Variants in LIPF observed in about 807,000 individuals in gnomAD.
LIPF encodes the protein gastric triacylglycerol lipase.
LIPF carries 25 observed loss-of-function variants against 38.0 expected under a neutral mutation model. The ratio of observed to expected loss-of-function variants is 0.66; its 90% CI spans 0.48 to 0.92. The LOEUF is 0.92. Ranked by LOEUF, LIPF falls within the 40% of genes least tolerant of loss-of-function variation. LIPF has a pLI of 0.00. For missense variants in LIPF, 410 were observed against 469.9 expected, an observed-to-expected ratio of 0.87 and a Z score of 1.18; for synonymous variants, 161 against 156.2, an observed-to-expected ratio of 1.03 and a Z score of -0.23.
At chr10:88,664,767 A>G (rs1316008955) in intron 1 of LIPF, among the ~76,000 whole-genome samples, 1 of 152,130 alleles carries the variant, frequency 6.6e-6, no homozygotes, top group Admixed American at 6.5e-5. Flanking sequence ...TTGAATTACA[A>G]ATTTGTTTAT....
intron 3 of LIPF, 29 bp from the exon 4 acceptor site, chr10:88,668,529 A>T: frequency 1.2e-6 from 2 of 1,600,672 alleles, no homozygotes; most frequent in Non-Finnish European, 1.7e-6. Context: ...GAATACATTT[A>T]TAAAGTTTAT....
chr10:88,678,038 A>G (rs1269488095), intron 9 of LIPF, among the ~76,000 whole-genome samples: 22 of 152,232 alleles, frequency 1.4e-4, no homozygotes, highest in Admixed American at 1.4e-3. Flanking sequence ...ATTAACAATT[A>G]GAATCTAATC....
At chr10:88,671,495 A>G (rs552426977) in intron 5 of LIPF, among the ~76,000 whole-genome samples, 1 of 152,226 alleles carries the variant, frequency 6.6e-6, no homozygotes, top group Non-Finnish European at 1.5e-5. Context: ...AGATACATTT[A>G]AATTCATAAA....
Position 88,676,294 on chromosome 10 carries a change from A to G in LIPF, c.960+14A>G. ...CACTATGATCAGGTAAGCTTCTTAA[A>G]GATGGAATTATTCACATTTTGAACA... On this transcript the variant is annotated intron_variant, in intron 9 of 9. Transcript: ENST00000238983. The G allele has an allele frequency of 1.3e-6, 2 of 1,513,914 alleles. No individual in the cohort carries two copies. Among genetic ancestry groups the G allele is most frequent in the Admixed American group, 1.8e-5 (1 of 54,138 alleles). 93.8% of individuals were successfully genotyped at this position (1,513,914 alleles called of 1,614,324 possible). A position where few individuals can be genotyped will look rare whatever the true frequency, so the allele number is the denominator to read the frequency against.
chr10:88,664,768 ATTTG>A (rs1344216499), intron 1 of LIPF, among the ~76,000 whole-genome samples: 4 of 152,192 alleles, frequency 2.6e-5, no homozygotes, highest in African/African-American at 4.8e-5. Flanking sequence ...TGAATTACAA[ATTTG>A]TTTATTAAGT....
rs1354504019 is a variant in LIPF at position 88,667,778 on chromosome 10, T to G, written c.223+92T>G. 3 of 624,542 alleles carry G rather than the reference T, an allele frequency of 4.8e-6. No homozygotes were observed. In the African/African-American group the frequency reaches 5.5e-5, roughly 11 times the overall value. 38.7% of individuals were successfully genotyped at this position (624,542 alleles called of 1,614,324 possible). A position where few individuals can be genotyped will look rare whatever the true frequency, so the allele number is the denominator to read the frequency against. Reference sequence around the variant, plus strand: ...CCTCTCTCCTTTCTTCCTCCAACTTTTCCTTCTTTTGTTCTTCCCTTTTTC... The same window carrying G: ...CCTCTCTCCTTTCTTCCTCCAACTTGTCCTTCTTTTGTTCTTCCCTTTTTC... On this transcript the variant is annotated intron_variant, in intron 3 of 9. Transcript: ENST00000238983.
In LIPF at chr10:88,673,675, C is replaced by G. The variant is rs899952446; in HGVS notation, c.757C>G (p.Leu253Val). The G allele has an allele frequency of 1.2e-6, 2 of 1,612,226 alleles. No individual in the cohort carries two copies. The highest frequency in any genetic ancestry group is 8.5e-7 in the Non-Finnish European group (1 of 1,178,520). ...TEVCSREMLN[L>V]LCSNALFIIC... Reference sequence around the variant, plus strand: ...AGTGTGCTCCCGTGAGATGCTGAATCTCCTTTGCAGCAATGCCTTATTTAT... The same window carrying G: ...AGTGTGCTCCCGTGAGATGCTGAATGTCCTTTGCAGCAATGCCTTATTTAT... The change falls in exon 7 of 10, where the codon CTC becomes GTC. Residue 253 changes from leucine to valine, a missense_variant. By Grantham distance (32) the Leu-to-Val change is conservative. Transcript: ENST00000238983.
chr10:88,669,592 C>A, intron 4 of LIPF: 1 of 307,962 alleles, frequency 3.2e-6, no homozygotes, highest in Non-Finnish European at 6.1e-6. Flanking sequence ...GAAATAATTC[C>A]CACCTACAGA....
chr10:88,664,657 C>A (rs1564955409), intron 1 of LIPF, among the ~76,000 whole-genome samples, 166 bp downstream of exon 1: 2 of 151,690 alleles, frequency 1.3e-5, no homozygotes, highest in Admixed American at 6.6e-5. Flanking sequence ...TTATTTTATT[C>A]TTTTTTTTGT....
chr10:88,669,047 A>C (rs1211853671), intron 4 of LIPF: 3 of 326,472 alleles, frequency 9.2e-6, no homozygotes, highest in Non-Finnish European at 1.7e-5. Flanking sequence ...GGAAAATTCC[A>C]AAGGAATGTC....
chr10:88,671,603 A>G (rs193023014), intron 5 of LIPF, among the ~76,000 whole-genome samples: 111 of 152,286 alleles, frequency 7.3e-4, no homozygotes, highest in African/African-American at 2.6e-3. Flanking sequence ...AAGGTTTATG[A>G]TAACTTTTAA....
At chr10:88,677,536 C>T (rs541917812) in intron 9 of LIPF, among the ~76,000 whole-genome samples, 2 of 152,254 alleles carry the variant, frequency 1.3e-5, no homozygotes, top group Admixed American at 1.3e-4. Context: ...TGAATATTCT[C>T]CACACACTCC....
chr10:88,673,540 T>G (rs768606322), intron 6 of LIPF, 48 bp from the exon 7 acceptor site: 2 of 1,466,468 alleles, frequency 1.4e-6, no homozygotes, highest in Non-Finnish European at 1.9e-6. Flanking sequence ...GTGAGTCTTT[T>G]CTGCAGCTTG....
chr10:88,676,377 C>A, intron 9 of LIPF, 97 bp downstream of exon 9: 1 of 732,318 alleles, frequency 1.4e-6, no homozygotes, highest in Non-Finnish European at 2.3e-6. Flanking sequence ...CATCTGTTTT[C>A]CAAAGGAATG....
In LIPF at chr10:88,668,589, T is replaced by C. The variant is rs1365788598; in HGVS notation, c.255T>C (p.Gly85=). ...GQRPVVFLQH[G]LLASATNWIS... ...GACCTGTTGTGTTTTTGCAGCATGG[T>C]TTGCTTGCATCAGCCACAAACTGGA... The change falls in exon 4 of 10, where the codon GGT becomes GGC. Residue 85 remains glycine, a synonymous_variant. Transcript: ENST00000238983. 1 of 1,614,074 alleles carries C rather than the reference T, an allele frequency of 6.2e-7. No individual in the cohort carries two copies. Among genetic ancestry groups the C allele is most frequent in the Non-Finnish European group, 8.5e-7 (1 of 1,180,018 alleles).
At chr10:88,665,736 G>GTTTTT (rs1841501585) in intron 1 of LIPF, among the ~76,000 whole-genome samples, 3 of 121,892 alleles carry the variant, frequency 2.5e-5, no homozygotes, top group Admixed American at 8.8e-5. Flanking sequence ...GTTAAAAACT[G>GTTTTT]ATTTTTTTTT....
At chr10:88,674,485 TTATC>T (rs1402108529) in intron 7 of LIPF, among the ~76,000 whole-genome samples, 1 of 152,222 alleles carries the variant, frequency 6.6e-6, no homozygotes, top group Non-Finnish European at 1.5e-5. Flanking sequence ...CCCATATTCT[TTATC>T]TACCTTTTCA....
intron 2 of LIPF, 30 bp downstream of exon 2, chr10:88,667,432 A>C: frequency 1.5e-6 from 2 of 1,294,966 alleles, no homozygotes; most frequent in Non-Finnish European, 2.2e-6. Context: ...AACTCTATAA[A>C]ACTAAAAGAT....
rs190274986 is a variant in LIPF, at chr10:88,674,258, T to A, written c.816+524T>A. ...ATCTCGGCTCATAGCAAGCTCCGCC[T>A]CTTGGGTTCACGCCATTCTCCTGCC... On this transcript the variant is annotated intron_variant, in intron 7 of 9. Coordinates refer to ENST00000238983, the MANE Select transcript of LIPF (RefSeq NM_004190.4). Among the ~76,000 whole-genome samples, 32 of 152,284 alleles carry A rather than the reference T, an allele frequency of 2.1e-4. No homozygotes were observed. The East Asian group carries it at 5.8e-3, about 28-fold the overall frequency.
Sources: gnomAD v4.1 joint callset for allele counts (sites outside exome capture counted in the v4.1 genomes callset) on GRCh38, gnomAD v4.1.1 for gene constraint, MANE v1.5 for transcripts, NCBI Gene and HGNC (gene_info 2026-07-23, HGNC 2026-07-21) for gene names.